The following AGMO variants were observed in gnomAD, a reference collection of about 807,000 sequenced individuals.
The protein encoded by AGMO is alkylglycerol monooxygenase.
A neutral mutation model predicts 60.2 loss-of-function variants in AGMO; 75 were observed. The observed-to-expected ratio is 1.25, with a 90% CI of 1.03 to 1.51. The LOEUF (loss-of-function observed/expected upper bound fraction) is 1.51. AGMO is among the 40% of genes most tolerant of loss of function. The probability of loss-of-function intolerance (pLI) is 0.00; values close to 1 mark genes in which losing one functional copy is unlikely to be tolerated. For synonymous variants in AGMO, 261 were observed against 177.1 expected (o/e 1.47, Z -3.76); for missense variants, 763 against 525.5 (o/e 1.45, Z -4.42).
the AGMO span, among the ~76,000 whole-genome samples, chr7:15,176,564 T>C: frequency 6.6e-5 from 10 of 151,942 alleles, no homozygotes; most frequent in African/African-American, 1.4e-4. Flanking sequence ...ATAAAAATTA[T>C]ATATATTCAA....
At chr7:15,256,283 A>G (rs1044059282) in intron 12 of AGMO, among the ~76,000 whole-genome samples, 3 of 152,238 alleles carry the variant, frequency 2.0e-5, no homozygotes, top group Admixed American at 6.5e-5. Context: ...ATTTCAGTCA[A>G]TAACAAACCA....
chr7:15,356,425 A>T (rs971753274), intron 12 of AGMO, among the ~76,000 whole-genome samples: 1 of 152,206 alleles, frequency 6.6e-6, no homozygotes, highest in Admixed American at 6.5e-5. Context: ...TTTATATAGC[A>T]TAGGAAACTA....
chr7:15,400,038 T>C (rs1228506606), intron 5 of AGMO, among the ~76,000 whole-genome samples: 1 of 152,212 alleles, frequency 6.6e-6, no homozygotes, highest in Non-Finnish European at 1.5e-5. Flanking sequence ...TCATTAATTC[T>C]CATGTCTTCC....
At chr7:15,173,565 G>A in the AGMO span, among the ~76,000 whole-genome samples, 20 of 152,010 alleles carry the variant, frequency 1.3e-4, no homozygotes, top group East Asian at 3.9e-3. Context: ...ACAGGGCAAA[G>A]AAATGTGAAG....
At chr7:15,410,446 T>A (rs1026600549) in intron 5 of AGMO, among the ~76,000 whole-genome samples, 1 of 151,878 alleles carries the variant, frequency 6.6e-6, no homozygotes, top group Admixed American at 6.6e-5. Flanking sequence ...ATTTTTATAG[T>A]TAAGAATGCA....
At position 15,366,235 on chromosome 7, in the gene AGMO, C is replaced by CA. The variant is rs1782975411; in HGVS notation, c.1075-14dup. The CA allele has an allele frequency of 6.3e-7, 1 of 1,591,256 alleles. No individual in the cohort carries two copies. The highest frequency in any genetic ancestry group is 8.6e-7 in the Non-Finnish European group (1 of 1,165,994). On this transcript the variant is annotated splice_polypyrimidine_tract_variant and intron_variant, in intron 10 of 12. Coordinates refer to ENST00000342526, the MANE Select transcript of AGMO (RefSeq NM_001004320.2). ...CTTGCGACAGTGCCTGTCAAACAAA[C>CA]ACGGAGATCAATGGAGCCGTTAGAA...
At chr7:15,242,112 CCT>C (rs1024082296) in intron 12 of AGMO, among the ~76,000 whole-genome samples, 19 of 152,080 alleles carry the variant, frequency 1.2e-4, no homozygotes, top group African/African-American at 3.6e-4. Context: ...CCCAAAAATC[CCT>C]CTCTTTTGAT....
chr7:15,384,486 T>C (rs1428811318), intron 10 of AGMO, among the ~76,000 whole-genome samples: 1 of 152,138 alleles, frequency 6.6e-6, no homozygotes, highest in Non-Finnish European at 1.5e-5. Context: ...TTTTTGTATA[T>C]TTTATCCATC....
chr7:15,263,643 G>A (rs1386138245), intron 12 of AGMO, among the ~76,000 whole-genome samples: 1 of 152,156 alleles, frequency 6.6e-6, no homozygotes, highest in African/African-American at 2.4e-5. Flanking sequence ...AGCACAATTT[G>A]CAACTGCAAA....
At chr7:15,295,017 T>A (rs970206305) in intron 12 of AGMO, among the ~76,000 whole-genome samples, 1 of 151,820 alleles carries the variant, frequency 6.6e-6, no homozygotes, top group Non-Finnish European at 1.5e-5. Flanking sequence ...ATATATTTTT[T>A]AAATACCTCA....
At chr7:15,366,649 G>T (rs139668509) in intron 10 of AGMO, among the ~76,000 whole-genome samples, 1 of 152,030 alleles carries the variant, frequency 6.6e-6, no homozygotes, top group East Asian at 1.9e-4. Flanking sequence ...ATATTTAAAG[G>T]AGACTGTGTT....
chr7:15,210,046 T>C (rs1781544459), intron 12 of AGMO, among the ~76,000 whole-genome samples: 3 of 152,116 alleles, frequency 2.0e-5, no homozygotes, highest in Admixed American at 2.0e-4. Flanking sequence ...AATAATAACT[T>C]TTATTATTAA....
the AGMO span, among the ~76,000 whole-genome samples, chr7:15,173,058 T>A: frequency 4.6e-5 from 7 of 152,200 alleles, no homozygotes; most frequent in African/African-American, 1.7e-4. Flanking sequence ...TTTTACTAAA[T>A]CTGTTTTCTT....
At chr7:15,264,072 G>A (rs946333989) in intron 12 of AGMO, among the ~76,000 whole-genome samples, 3 of 151,164 alleles carry the variant, frequency 2.0e-5, no homozygotes, top group Non-Finnish European at 4.4e-5. Context: ...AATAAAAAAT[G>A]AAAAATTTAT....
chr7:15,259,997 C>G (rs1173409848), intron 12 of AGMO, among the ~76,000 whole-genome samples: 1 of 139,050 alleles, frequency 7.2e-6, no homozygotes, highest in Non-Finnish European at 1.5e-5. Context: ...ATAAATCTCA[C>G]AGGACCTATA....
intron 12 of AGMO, among the ~76,000 whole-genome samples, chr7:15,286,416 A>G (rs1334215778): frequency 6.6e-6 from 1 of 152,148 alleles, no homozygotes; most frequent in African/African-American, 2.4e-5. Flanking sequence ...GCCAAATGAC[A>G]TAAATAGACA....
intron 10 of AGMO, among the ~76,000 whole-genome samples, chr7:15,373,073 G>A (rs1156755192): frequency 6.6e-6 from 1 of 152,114 alleles, no homozygotes; most frequent in Admixed American, 6.5e-5. Context: ...AGACCAGCCT[G>A]GCCAACATGG....
intron 3 of AGMO, among the ~76,000 whole-genome samples, chr7:15,489,406 C>G (rs1783009727): frequency 6.6e-6 from 1 of 152,112 alleles, no homozygotes; most frequent in African/African-American, 2.4e-5. Context: ...GCAGTGCAGT[C>G]TTGGCTATTG....
chr7:15,327,740 CTTTTTTTTTTT>C (rs546851399), intron 12 of AGMO, among the ~76,000 whole-genome samples: 1 of 88,024 alleles, frequency 1.1e-5, no homozygotes, highest in Admixed American at 1.4e-4. Flanking sequence ...TGATTTCTTT[CTTTTTTTTTTT>C]TTTTTTTTTT....
Sources: allele counts gnomAD v4.1 joint callset (sites outside exome capture counted in the v4.1 genomes callset), GRCh38; gene constraint gnomAD v4.1.1; transcripts MANE v1.5; gene names NCBI Gene and HGNC (gene_info 2026-07-23, HGNC 2026-07-21).